ANKMY2: variants seen among roughly 807,000 people sequenced by gnomAD.
ANKMY2 encodes ankyrin repeat and MYND domain-containing protein 2.
ANKMY2 carries 36 observed loss-of-function variants against 50.4 expected under a neutral mutation model. The ratio of observed to expected loss-of-function variants is 0.71; its 90% CI spans 0.55 to 0.94. The LOEUF (loss-of-function observed/expected upper bound fraction) is 0.94. Among genes scored for constraint, ANKMY2 ranks in the 40% least tolerant of loss-of-function variants. ANKMY2 has a pLI of 0.00. For missense variants in ANKMY2, 565 were observed against 524.0 expected (o/e 1.08, Z -0.76); for synonymous variants, 187 against 178.8 (o/e 1.05, Z -0.36).
intron 2 of ANKMY2, among the ~76,000 whole-genome samples, chr7:16,631,127 G>A (rs748527656): frequency 1.3e-5 from 2 of 152,082 alleles, no homozygotes; most frequent in Admixed American, 6.6e-5. Context: ...ACCATCAAAG[G>A]TTATTACATT....
At chr7:16,638,741 A>C (rs1781704521) in intron 1 of ANKMY2, among the ~76,000 whole-genome samples, 2 of 152,106 alleles carry the variant, frequency 1.3e-5, no homozygotes, top group Admixed American at 1.3e-4. Flanking sequence ...AAGCTATCCA[A>C]CAGTCGCCTC....
At chr7:16,626,069 C>T (rs968843524) in intron 3 of ANKMY2, among the ~76,000 whole-genome samples, 24 of 151,026 alleles carry the variant, frequency 1.6e-4, no homozygotes, top group Middle Eastern at 3.4e-3. Context: ...GCAACCTCTG[C>T]CTCCCAGGCT....
intron 1 of ANKMY2, chr7:16,644,476 A>G: frequency 3.0e-6 from 1 of 329,904 alleles, no homozygotes; most frequent in Non-Finnish European, 6.0e-6. Context: ...ATTCTCTAGG[A>G]TTCCACATTT....
In ANKMY2 at chr7:16,645,507, C is replaced by A. The variant is rs1331343075; in HGVS notation, c.67G>T (p.Gly23Cys). The A allele has an allele frequency of 6.8e-6, 11 of 1,611,132 alleles. No individual in the cohort carries two copies. The highest frequency in any genetic ancestry group is 7.6e-6 in the Non-Finnish European group (9 of 1,178,692). ...EKELLEVIGK[G>C]TVQEAGTLLS... ...CCGCGTCGCAGCCCAGCACCCGTAC[C>A]TTTCCCGATGACTTCCAGTAGCTCC... The change falls in exon 1 of 10, where the codon GGT becomes TGT. Residue 23 changes from glycine (G) to cysteine (C), a missense_variant and splice_region_variant. Transcript: ENST00000306999.
At chr7:16,627,224 T>C in intron 2 of ANKMY2, 46 bp from the exon 3 acceptor site, 1 of 1,328,264 alleles carries the variant, frequency 7.5e-7, no homozygotes, top group South Asian at 1.5e-5. Flanking sequence ...TGTTTTATCT[T>C]TTCTGTACCT....
chr7:16,602,206 A>C (rs564968614), intron 9 of ANKMY2, among the ~76,000 whole-genome samples, 174 bp downstream of exon 9: 1 of 152,320 alleles, frequency 6.6e-6, no homozygotes, highest in East Asian at 1.9e-4. Flanking sequence ...GTCCAGGCTG[A>C]CTATATCCTA....
chr7:16,642,928 T>C (rs1315958131), intron 1 of ANKMY2, among the ~76,000 whole-genome samples: 1 of 152,192 alleles, frequency 6.6e-6, no homozygotes, highest in Non-Finnish European at 1.5e-5. Context: ...GCCTGTTTAT[T>C]ACCTATGGGC....
chr7:16,615,701 G>A, intron 5 of ANKMY2, 43 bp downstream of exon 5: 1 of 1,611,024 alleles, frequency 6.2e-7, no homozygotes. Flanking sequence ...AAACTCTGAA[G>A]CAATATTTAC....
chr7:16,603,823 C>T (rs1232901454), intron 8 of ANKMY2, among the ~76,000 whole-genome samples: 2 of 152,194 alleles, frequency 1.3e-5, no homozygotes, highest in East Asian at 3.8e-4. Context: ...CTCAGCCTAG[C>T]CTGCTAGTAC....
intron 2 of ANKMY2, 48 bp from the exon 3 acceptor site, chr7:16,627,226 T>C (rs1267453965): frequency 7.6e-7 from 1 of 1,308,896 alleles, no homozygotes. Flanking sequence ...TTTTATCTTT[T>C]CTGTACCTAT....
intron 7 of ANKMY2, among the ~76,000 whole-genome samples, chr7:16,605,924 C>T (rs1309385321): frequency 6.6e-6 from 1 of 151,930 alleles, no homozygotes; most frequent in Non-Finnish European, 1.5e-5. Flanking sequence ...ACCTTGTGAT[C>T]TGCCTGCCTT....
In ANKMY2 at chr7:16,607,179, T is replaced by C. The variant is rs995202988; in HGVS notation, c.883-2330A>G. ...AAAACTCTCAAAGAACAAAAATGTT[T>C]AAAGAAAAGTCTTTCTAAAATGCAT... On this transcript the variant is annotated intron_variant, in intron 7 of 9. Transcript: ENST00000306999. Among the ~76,000 whole-genome samples the C allele has an allele frequency of 2.6e-5, 4 of 152,330 alleles. 1 individual carries two copies. The highest frequency in any genetic ancestry group is 2.1e-4 in the South Asian group (1 of 4,826).
intron 2 of ANKMY2, among the ~76,000 whole-genome samples, chr7:16,632,645 G>A (rs80140721): frequency 0.019 from 2,945 of 152,230 alleles, 47 homozygotes; most frequent in Non-Finnish European, 0.027. Context: ...TTTTGTTGAT[G>A]TATTCATCAG....
chr7:16,645,238 G>A (rs1039633723), intron 1 of ANKMY2, among the ~76,000 whole-genome samples: 26 of 152,158 alleles, frequency 1.7e-4, no homozygotes, highest in Admixed American at 7.2e-4. Context: ...AACCTAAGGC[G>A]GGGCGTGGAA....
chr7:16,610,793 T>G, intron 5 of ANKMY2, 30 bp from the exon 6 acceptor site: 1 of 1,592,956 alleles, frequency 6.3e-7, no homozygotes, highest in Non-Finnish European at 8.6e-7. Context: ...ACTCAGGTAT[T>G]AAAGGAGACA....
rs754268083 is a variant in ANKMY2, at chr7:16,645,519, C to T, written c.55G>A (p.Val19Ile). ...LTQEEKELLE[V>I]IGKGTVQEAG... ...CCAGCACCCGTACCTTTCCCGATGACTTCCAGTAGCTCCTTCTCCTCCTGG... is the reference window on the plus strand; with the variant it reads ...CCAGCACCCGTACCTTTCCCGATGATTTCCAGTAGCTCCTTCTCCTCCTGG... The change falls in exon 1 of 10, where the codon GTC becomes ATC. Residue 19 changes from valine (V) to isoleucine (I), a missense_variant. Physicochemically the swap from Val to Ile is conservative, Grantham distance 29. Transcript: ENST00000306999. 4 of 1,611,644 alleles carry T rather than the reference C, an allele frequency of 2.5e-6. No homozygotes were observed. In the East Asian group the frequency reaches 9.0e-5, roughly 36 times the overall value.
intron 6 of ANKMY2, 149 bp from the exon 7 acceptor site, chr7:16,609,914 T>C: frequency 1.0e-6 from 1 of 995,756 alleles, no homozygotes; most frequent in Non-Finnish European, 1.4e-6. Context: ...CAAATTGCTG[T>C]TCAACCTATA....
intron 4 of ANKMY2, among the ~76,000 whole-genome samples, chr7:16,619,714 T>C (rs1215623779): frequency 6.6e-6 from 1 of 152,116 alleles, no homozygotes; most frequent in Non-Finnish European, 1.5e-5. Flanking sequence ...ATACTACTAA[T>C]ATAGAAAATA....
intron 1 of ANKMY2, among the ~76,000 whole-genome samples, chr7:16,639,151 T>C (rs185476819): frequency 3.9e-5 from 6 of 152,236 alleles, no homozygotes; most frequent in African/African-American, 4.8e-5. Flanking sequence ...TCGGAAATTA[T>C]AGAAGGTCCA....
Sources: allele counts gnomAD v4.1 joint callset (sites outside exome capture counted in the v4.1 genomes callset), GRCh38; gene constraint gnomAD v4.1.1; transcripts MANE v1.5; gene names NCBI Gene and HGNC (gene_info 2026-07-23, HGNC 2026-07-21).